KIF6: variants seen among roughly 807,000 people sequenced by gnomAD.
The protein encoded by KIF6 is kinesin-like protein KIF6.
KIF6 carries 106 observed loss-of-function variants against 112.7 expected under a neutral mutation model. That is an observed-to-expected ratio of 0.94 (90% CI 0.80 to 1.11). KIF6 has a LOEUF of 1.11. Ranked by LOEUF, KIF6 falls within the 50% of genes least tolerant of loss-of-function variation. The pLI is 0.00. For missense variants in KIF6, 929 were observed against 964.0 expected (o/e 0.96, Z 0.48); for synonymous variants, 339 against 339.9 (o/e 1.00, Z 0.03).
chr6:39,341,643 A>G (rs934656169), intron 22 of KIF6, among the ~76,000 whole-genome samples: 1 of 152,108 alleles, frequency 6.6e-6, no homozygotes, highest in Non-Finnish European at 1.5e-5. Flanking sequence ...TTGGACATCA[A>G]ATGTCATCTG....
chr6:39,680,582 C>T (rs1045837478), intron 3 of KIF6, among the ~76,000 whole-genome samples: 12 of 152,160 alleles, frequency 7.9e-5, no homozygotes, highest in African/African-American at 2.7e-4. Context: ...ACATGATGGG[C>T]TTATCAATGA....
At chr6:39,416,434 C>A (rs1318422625) in intron 15 of KIF6, among the ~76,000 whole-genome samples, 1 of 152,174 alleles carries the variant, frequency 6.6e-6, no homozygotes, top group Non-Finnish European at 1.5e-5. Flanking sequence ...GTATATGGAA[C>A]AGGTAGATAC....
chr6:39,405,548 C>T (rs183759115), intron 15 of KIF6, among the ~76,000 whole-genome samples: 235 of 152,186 alleles, frequency 1.5e-3, no homozygotes, highest in Middle Eastern at 6.8e-3. Flanking sequence ...AATTGTATTC[C>T]TGAGATAAGC....
chr6:39,646,835 C>G (rs1459046624), intron 3 of KIF6, among the ~76,000 whole-genome samples: 1 of 151,950 alleles, frequency 6.6e-6, no homozygotes, highest in Non-Finnish European at 1.5e-5. Flanking sequence ...CTTATCCATA[C>G]TTGCCTTTCA....
At chr6:39,657,184 G>C (rs1785845747) in intron 3 of KIF6, among the ~76,000 whole-genome samples, 1 of 149,546 alleles carries the variant, frequency 6.7e-6, no homozygotes, top group Non-Finnish European at 1.5e-5. Context: ...AGTGAGCAGA[G>C]ATAGCACCAG....
chr6:39,351,182 CTTT>C (rs5875669), intron 19 of KIF6, among the ~76,000 whole-genome samples: 3,358 of 106,780 alleles, frequency 0.031, 150 homozygotes, highest in African/African-American at 0.11. Context: ...TAGGATTAAA[CTTT>C]TTTTTTTTTT....
At chr6:39,620,351 C>T (rs1783746408) in intron 5 of KIF6, 1 of 152,108 alleles carries the variant, frequency 6.6e-6, no homozygotes, top group African/African-American at 2.4e-5. Flanking sequence ...GATAGTACCA[C>T]AAATTATGTA....
rs184663195 is a variant in KIF6 at position 39,508,885 on chromosome 6, C to T, written c.1645+31118G>A. ...GAAGAGAGCAGTGGCTTTCCCAGCA[C>T]GGCATTTGAGCTCTGATAACAAACA... On this transcript the variant is annotated intron_variant, in intron 13 of 22. Coordinates refer to ENST00000287152, the MANE Select transcript of KIF6 (RefSeq NM_145027.6). Among the ~76,000 whole-genome samples, 328 of 152,304 alleles carry T rather than the reference C, an allele frequency of 2.2e-3. 2 individuals are homozygous for T. Among genetic ancestry groups the T allele is most frequent in the South Asian group, 8.9e-3 (43 of 4,828 alleles).
In KIF6 at chr6:39,690,814, A is replaced by G. The variant is rs71571385; in HGVS notation, c.251+23878T>C. 725 of 152,546 alleles carry G rather than the reference A, an allele frequency of 4.8e-3. 7 individuals are homozygous for G. Among genetic ancestry groups the G allele is most frequent in the Non-Finnish European group, 4.2e-3 (285 of 68,224 alleles). 9.4% of individuals were successfully genotyped at this position (152,546 alleles called of 1,614,324 possible). A position where few individuals can be genotyped will look rare whatever the true frequency, so the allele number is the denominator to read the frequency against. On this transcript the variant is annotated intron_variant, in intron 3 of 22. Coordinates refer to ENST00000287152, the MANE Select transcript of KIF6 (RefSeq NM_145027.6). ...GAAACCAGCAAGGGGAGAACAGAGC[A>G]GGATCCAGATGGAAATGGCTGCAGG...
chr6:39,461,149 G>A (rs1420462588), intron 13 of KIF6, among the ~76,000 whole-genome samples: 2 of 152,198 alleles, frequency 1.3e-5, no homozygotes, highest in Non-Finnish European at 2.9e-5. Context: ...TTTAAGCCCA[G>A]CTAGATCTTG....
At chr6:39,719,270 G>A (rs1790060076) in intron 2 of KIF6, among the ~76,000 whole-genome samples, 1 of 152,038 alleles carries the variant, frequency 6.6e-6, no homozygotes, top group Non-Finnish European at 1.5e-5. Context: ...AGTGAGCCAA[G>A]ACTGCGCCAT....
chr6:39,454,796 A>G (rs1286992685), intron 13 of KIF6, among the ~76,000 whole-genome samples: 1 of 151,986 alleles, frequency 6.6e-6, no homozygotes, highest in Non-Finnish European at 1.5e-5. Context: ...CCACCCGAAT[A>G]TTGCGCTTTT....
chr6:39,543,603 G>A (rs1423089002), intron 12 of KIF6, among the ~76,000 whole-genome samples: 1 of 133,442 alleles, frequency 7.5e-6, no homozygotes, highest in Non-Finnish European at 1.5e-5. Flanking sequence ...TGAAGCTAAA[G>A]CATCTTTTGG....
chr6:39,350,980 G>A (rs114582402), intron 19 of KIF6, among the ~76,000 whole-genome samples: 2,080 of 152,212 alleles, frequency 0.014, 40 homozygotes, highest in African/African-American at 0.047. Context: ...CAACCAGCTC[G>A]CCGGCAGCAA....
chr6:39,538,455 C>T (rs1660832707), intron 13 of KIF6, among the ~76,000 whole-genome samples: 1 of 151,766 alleles, frequency 6.6e-6, no homozygotes, highest in Non-Finnish European at 1.5e-5. Flanking sequence ...AGCCAAAAGA[C>T]ACATGAAAAA....
At chr6:39,710,314 TG>T (rs1789470572) in intron 3 of KIF6, among the ~76,000 whole-genome samples, 1 of 152,006 alleles carries the variant, frequency 6.6e-6, no homozygotes, top group South Asian at 2.1e-4. Flanking sequence ...TAGGCCACAG[TG>T]AACAGAAACA....
chr6:39,392,210 A>G (rs770497776), intron 15 of KIF6, among the ~76,000 whole-genome samples: 13 of 152,160 alleles, frequency 8.5e-5, no homozygotes, highest in Admixed American at 6.5e-5. Flanking sequence ...GTTTTGCTGT[A>G]TATGCATCTA....
intron 3 of KIF6, among the ~76,000 whole-genome samples, chr6:39,670,094 C>G (rs182619954): frequency 1.3e-5 from 2 of 152,248 alleles, no homozygotes; most frequent in Admixed American, 1.3e-4. Context: ...GAAGCTCTGC[C>G]TCACTCTTTC....
intron 13 of KIF6, among the ~76,000 whole-genome samples, chr6:39,473,751 G>T (rs897393562): frequency 2.0e-5 from 3 of 152,028 alleles, no homozygotes; most frequent in African/African-American, 7.2e-5. Flanking sequence ...TTGATATACA[G>T]GTCAAAAATG....
Sources: allele counts gnomAD v4.1 joint callset (sites outside exome capture counted in the v4.1 genomes callset), GRCh38; gene constraint gnomAD v4.1.1; transcripts MANE v1.5; gene names NCBI Gene and HGNC (gene_info 2026-07-23, HGNC 2026-07-21).